RABGAP1L: variants seen among roughly 807,000 people sequenced by gnomAD.
RABGAP1L encodes the protein rab GTPase-activating protein 1-like.
RABGAP1L carries 63 observed loss-of-function variants against 137.7 expected under a neutral mutation model. The observed-to-expected ratio is 0.46, with a 90% CI of 0.37 to 0.56. The LOEUF (loss-of-function observed/expected upper bound fraction) is 0.56. RABGAP1L is among the 20% of genes least tolerant of loss of function. The pLI, the probability that RABGAP1L is intolerant of heterozygous loss-of-function variation, is 0.00. For synonymous variants in RABGAP1L, 431 were observed against 433.7 expected (o/e 0.99, Z 0.08); for missense variants, 1,095 against 1,244.0 (o/e 0.88, Z 1.80).
intron 13 of RABGAP1L, among the ~76,000 whole-genome samples, chr1:174,597,364 G>T (rs963762116): frequency 5.3e-5 from 8 of 152,060 alleles, no homozygotes; most frequent in African/African-American, 1.9e-4. Context: ...CTTGATAGGA[G>T]ACTTTTTATT....
chr1:174,807,780 G>A (rs966343794), intron 18 of RABGAP1L, among the ~76,000 whole-genome samples: 4 of 151,960 alleles, frequency 2.6e-5, no homozygotes, highest in Admixed American at 1.3e-4. Context: ...TTCCAACTTA[G>A]ACTGCCCACT....
Position 174,742,046 on chromosome 1 carries a change from AAAG to A in RABGAP1L, c.2170-10253_2170-10251del, listed in dbSNP as rs1188312376. On this transcript the variant is annotated intron_variant, in intron 17 of 25. Coordinates refer to ENST00000681986, the MANE Select transcript of RABGAP1L (RefSeq NM_001366446.1). ...AGAGCAAGACCCTGTCTCAAAAAAA[AAAG>A]AAGAAGAAGAAGAGGAAGAGGAGGG... 9.5e-4 allele frequency among the ~76,000 whole-genome samples: 124 copies of A among 130,244 alleles called. 3 individuals carry two copies. Among genetic ancestry groups the A allele is most frequent in the African/African-American group, 1.9e-3 (58 of 30,550 alleles). 85.4% of individuals were successfully genotyped at this position (130,244 alleles called of 152,430 possible).
At position 174,305,038 on chromosome 1, in the gene RABGAP1L, G is replaced by A. The variant is rs1678073402; in HGVS notation, c.1376G>A (p.Ser459Asn). 3 of 1,563,646 alleles carry A rather than the reference G, an allele frequency of 1.9e-6. No individual in the cohort carries two copies. Among genetic ancestry groups the A allele is most frequent in the African/African-American group, 1.4e-5 (1 of 71,704 alleles). Residue 459 changes from serine (S) to asparagine (N), a missense_variant, in exon 11 of 26, where the codon AGT (serine) becomes AAT (asparagine). Physicochemically the swap from Ser to Asn is conservative, Grantham distance 46. Around this residue, in one of 4 missense-constraint regions of RABGAP1L, gnomAD observed 315 missense variants for 324.8 expected, o/e 0.97. Transcript: ENST00000681986. ...NAGDAIYEVV[S>N]LQRESDKEEP... ...GGAGATGCAATATATGAGGTGGTGA[G>A]TCTACAGCGAGAGTCTGACAAGGAG...
Position 174,534,724 on chromosome 1 carries a change from G to A in RABGAP1L, c.1711-102651G>A, listed in dbSNP as rs370601110. On this transcript the variant is annotated intron_variant, in intron 13 of 25. Coordinates refer to ENST00000681986, the MANE Select transcript of RABGAP1L (RefSeq NM_001366446.1). ...TGGGAAGCAGAGGTTGCAGTGAGCC[G>A]AGTTCATGCCACTGCACTCCAGCTT... 3.8e-5 allele frequency among the ~76,000 whole-genome samples: 5 copies of A among 132,836 alleles called. No individual in the cohort carries two copies. In the East Asian group the frequency reaches 1.0e-3, roughly 27 times the overall value. The allele number at this position is 132,836 out of a possible 152,430, so 87.1% of individuals were successfully genotyped here. A position where few individuals can be genotyped will look rare whatever the true frequency, so the allele number is the denominator to read the frequency against.
At chr1:174,430,357 G>GAA (rs201831946) in intron 13 of RABGAP1L, among the ~76,000 whole-genome samples, 38 of 138,014 alleles carry the variant, frequency 2.8e-4, no homozygotes, top group African/African-American at 8.0e-4. Context: ...GACTCTGTCT[G>GAA]AAAAAAAAAA....
At chr1:174,667,920 G>A (rs1676904736) in intron 14 of RABGAP1L, among the ~76,000 whole-genome samples, 1 of 152,086 alleles carries the variant, frequency 6.6e-6, no homozygotes, top group South Asian at 2.1e-4. Flanking sequence ...ATATACGATA[G>A]GTGCTCAGTA....
intron 22 of RABGAP1L, among the ~76,000 whole-genome samples, chr1:174,977,585 C>T (rs1670752220): frequency 6.6e-6 from 1 of 152,184 alleles, no homozygotes; most frequent in Admixed American, 6.5e-5. Context: ...TTCCTCCCCT[C>T]CATGTGCATC....
intron 13 of RABGAP1L, among the ~76,000 whole-genome samples, chr1:174,464,165 C>A (rs984845569): frequency 4.6e-5 from 7 of 152,038 alleles, no homozygotes; most frequent in Non-Finnish European, 1.0e-4. Context: ...TTCAAGAATG[C>A]CTTTTAGTGG....
chr1:174,554,991 A>G (rs1166597878), intron 13 of RABGAP1L, among the ~76,000 whole-genome samples: 1 of 148,340 alleles, frequency 6.7e-6, no homozygotes, highest in Admixed American at 6.7e-5. Flanking sequence ...TAGGTTTCCA[A>G]CAGTTAGAAT....
chr1:174,776,442 C>G (rs1013701431), intron 18 of RABGAP1L, among the ~76,000 whole-genome samples: 2 of 152,098 alleles, frequency 1.3e-5, no homozygotes, highest in Non-Finnish European at 2.9e-5. Context: ...GGGAGCTGCA[C>G]ACTTTCAAAA....
At chr1:174,678,357 C>G (rs1029002178) in intron 14 of RABGAP1L, among the ~76,000 whole-genome samples, 2 of 151,994 alleles carry the variant, frequency 1.3e-5, no homozygotes, top group Non-Finnish European at 2.9e-5. Context: ...CACTGACACA[C>G]TTGTTTTATA....
At chr1:174,205,438 C>T (rs1018479195) in intron 1 of RABGAP1L, among the ~76,000 whole-genome samples, 21 of 151,472 alleles carry the variant, frequency 1.4e-4, no homozygotes, top group Admixed American at 3.3e-4. Context: ...GGTTGGTAGA[C>T]GTTTTATTAC....
chr1:174,908,881 T>C (rs1264472151), intron 19 of RABGAP1L, among the ~76,000 whole-genome samples: 1 of 148,200 alleles, frequency 6.7e-6, no homozygotes, highest in Non-Finnish European at 1.5e-5. Flanking sequence ...TCAATGAAAG[T>C]ACTAAAAAGG....
chr1:174,917,698 T>C (rs1232823066), intron 19 of RABGAP1L, among the ~76,000 whole-genome samples: 4 of 152,026 alleles, frequency 2.6e-5, no homozygotes, highest in Non-Finnish European at 5.9e-5. Flanking sequence ...TTTGGGAGGC[T>C]GAGGTGGGTT....
intron 17 of RABGAP1L, among the ~76,000 whole-genome samples, chr1:174,703,147 T>A (rs1191362712): frequency 6.6e-6 from 1 of 152,108 alleles, no homozygotes; most frequent in Non-Finnish European, 1.5e-5. Context: ...ATTTAAGGGG[T>A]ACAAGTGATG....
intron 13 of RABGAP1L, among the ~76,000 whole-genome samples, chr1:174,538,636 T>C (rs1466639126): frequency 6.6e-6 from 1 of 152,190 alleles, no homozygotes; most frequent in Non-Finnish European, 1.5e-5. Context: ...TATAATGATA[T>C]TTCACTGTGC....
In RABGAP1L at chr1:174,438,936, T is replaced by A. The variant is rs529651529; in HGVS notation, c.1710+44791T>A. On this transcript the variant is annotated intron_variant, in intron 13 of 25. Transcript: ENST00000681986. Reference sequence around the variant, plus strand: ...TACAAGTATATCGAAATGCAATGATTTTTATATATTGACCTGTGTTCCGAC... The same window carrying A: ...TACAAGTATATCGAAATGCAATGATATTTATATATTGACCTGTGTTCCGAC... Among the ~76,000 whole-genome samples, 32 of 151,806 alleles carry A rather than the reference T, an allele frequency of 2.1e-4. 1 individual carries two copies. The East Asian group carries it at 5.8e-3, about 27-fold the overall frequency.
At chr1:174,941,443 G>A (rs1665856770) in intron 19 of RABGAP1L, among the ~76,000 whole-genome samples, 1 of 152,196 alleles carries the variant, frequency 6.6e-6, no homozygotes, top group Admixed American at 6.5e-5. Flanking sequence ...ATTTCAAATT[G>A]GATTGATTAG....
intron 19 of RABGAP1L, among the ~76,000 whole-genome samples, chr1:174,846,398 A>G (rs988549236): frequency 6.6e-6 from 1 of 150,802 alleles, no homozygotes; most frequent in African/African-American, 2.4e-5. Flanking sequence ...ACTGCTTTGA[A>G]TGCCTCCCAG....
Sources: allele counts gnomAD v4.1 joint callset (sites outside exome capture counted in the v4.1 genomes callset), GRCh38; gene constraint gnomAD v4.1.1; regional missense constraint gnomAD v4.1.1; transcripts MANE v1.5; gene names NCBI Gene and HGNC (gene_info 2026-07-23, HGNC 2026-07-21).